Variants in ZYG11B observed in about 807,000 individuals in gnomAD.
ZYG11B encodes the protein zyg-11 family member B, cell cycle regulator.
In ZYG11B, 36 loss-of-function variants were observed where a neutral mutation model predicts 82.4. That is an observed-to-expected ratio of 0.44 (90% CI 0.33 to 0.58). The LOEUF is 0.58. Among genes scored for constraint, ZYG11B ranks in the 20% least tolerant of loss-of-function variants. The probability of loss-of-function intolerance (pLI) is 0.02; values close to 1 mark genes in which losing one functional copy is unlikely to be tolerated. For missense variants in ZYG11B, 552 were observed against 895.6 expected, an observed-to-expected ratio of 0.62 and a Z score of 4.90; for synonymous variants, 303 against 312.8, an observed-to-expected ratio of 0.97 and a Z score of 0.33.
At chr1:52,803,259 TATATATACACACACACACAC>T (rs1645108030) in intron 10 of ZYG11B, among the ~76,000 whole-genome samples, 10 of 81,690 alleles carry the variant, frequency 1.2e-4, no homozygotes, top group South Asian at 3.6e-4. Context: ...CATATATATA[TATATATACACACACACACAC>T]ATATATATAT....
chr1:52,778,273 C>A (rs1337784535), intron 3 of ZYG11B, among the ~76,000 whole-genome samples: 1 of 152,082 alleles, frequency 6.6e-6, no homozygotes. Context: ...GAGTTTCCCT[C>A]AGTCTGGATT....
Position 52,821,584 on chromosome 1 carries a change from G to C in ZYG11B, c.2190G>C (p.Gly730=), listed in dbSNP as rs1353630986. The C allele has an allele frequency of 6.2e-7, 1 of 1,613,914 alleles. No individual in the cohort carries two copies. The highest frequency in any genetic ancestry group is 1.7e-5 in the Admixed American group (1 of 59,958). The change falls in exon 14 of 14, where the codon GGG becomes GGC. Residue 730 remains glycine, a synonymous_variant. Coordinates refer to ENST00000294353, the MANE Select transcript of ZYG11B (RefSeq NM_024646.3). The stretch of plus-strand genomic sequence containing the variant: ...TAGAAAAACACATTGTGCGCCATGG[G>C]AGGCCACCTCCCTGTAAAAAACAGC... ...DSLEKHIVRH[G]RPPPCKKQPQ... is the part of the protein sequence containing the mutation.
chr1:52,819,061 G>A (rs963254012), intron 13 of ZYG11B, among the ~76,000 whole-genome samples: 1 of 152,176 alleles, frequency 6.6e-6, no homozygotes, highest in Non-Finnish European at 1.5e-5. Flanking sequence ...ACAGGCATGA[G>A]CCACCGCACC....
At chr1:52,790,652 C>T (rs1276886565) in intron 6 of ZYG11B, among the ~76,000 whole-genome samples, 6 of 128,482 alleles carry the variant, frequency 4.7e-5, no homozygotes, top group African/African-American at 1.8e-4. Context: ...ACGGAGGCGG[C>T]GGTTGCAGTG....
intron 1 of ZYG11B, among the ~76,000 whole-genome samples, chr1:52,727,703 C>A (rs1644297106): frequency 6.6e-6 from 1 of 152,130 alleles, no homozygotes; most frequent in South Asian, 2.1e-4. Flanking sequence ...ATTTGTTTTG[C>A]CCTGTCTGCC....
intron 1 of ZYG11B, among the ~76,000 whole-genome samples, chr1:52,729,428 A>G (rs1644311602): frequency 6.6e-6 from 1 of 152,190 alleles, no homozygotes; most frequent in African/African-American, 2.4e-5. Flanking sequence ...ACAGAGTAAC[A>G]GTGTATGTAT....
chr1:52,811,356 G>T (rs546673574), intron 10 of ZYG11B, among the ~76,000 whole-genome samples: 3 of 152,206 alleles, frequency 2.0e-5, no homozygotes, highest in Admixed American at 6.5e-5. Flanking sequence ...TATGACTTCA[G>T]TTATAAGCAT....
Position 52,803,171 on chromosome 1 carries a change from C to T in ZYG11B, c.1695+1032C>T, listed in dbSNP as rs1254344128. Among the ~76,000 whole-genome samples the T allele has an allele frequency of 9.2e-4, 49 of 53,380 alleles. 4 individuals are homozygous for T. The highest frequency in any genetic ancestry group is 7.0e-3 in the East Asian group (2 of 286). The allele number at this position is 53,380 out of a possible 152,430, so 35.0% of individuals were successfully genotyped here. A position where few individuals can be genotyped will look rare whatever the true frequency, so the allele number is the denominator to read the frequency against. On this transcript the variant is annotated intron_variant, in intron 10 of 13. Transcript: ENST00000294353. Reference sequence around the variant, plus strand: ...ATATATATACACATATATATATACACACATATATATATATATACACATATA... The same window carrying T: ...ATATATATACACATATATATATACATACATATATATATATATACACATATA...
intron 10 of ZYG11B, among the ~76,000 whole-genome samples, chr1:52,802,693 AAGAG>A (rs148334695): frequency 9.4e-4 from 142 of 150,370 alleles, no homozygotes; most frequent in South Asian, 6.1e-3. Flanking sequence ...CAAAAAAAGA[AAGAG>A]AGAGAGAGAG....
intron 3 of ZYG11B, among the ~76,000 whole-genome samples, chr1:52,774,237 TCG>T (rs1469803122): frequency 4.9e-4 from 74 of 151,732 alleles, no homozygotes; most frequent in Non-Finnish European, 7.8e-4. Flanking sequence ...CCTCCTGGGC[TCG>T]AGTGGATCCT....
chr1:52,788,728 T>C (rs147163558), intron 5 of ZYG11B, among the ~76,000 whole-genome samples: 2 of 152,212 alleles, frequency 1.3e-5, no homozygotes, highest in Non-Finnish European at 2.9e-5. Context: ...AGACCCTGTC[T>C]CAAAAACAAA....
chr1:52,780,362 A>G (rs1029836176), intron 4 of ZYG11B, among the ~76,000 whole-genome samples: 12 of 152,120 alleles, frequency 7.9e-5, no homozygotes, highest in South Asian at 4.1e-4. Flanking sequence ...TAGAAATACA[A>G]TATTGCACCA....
intron 5 of ZYG11B, among the ~76,000 whole-genome samples, chr1:52,789,436 A>T (rs1644937766): frequency 6.6e-6 from 1 of 152,188 alleles, no homozygotes; most frequent in Admixed American, 6.5e-5. Flanking sequence ...TTTGCTTCAC[A>T]GGAATAACTT....
chr1:52,740,736 T>C (rs1644417025), intron 1 of ZYG11B, among the ~76,000 whole-genome samples: 1 of 151,960 alleles, frequency 6.6e-6, no homozygotes, highest in Non-Finnish European at 1.5e-5. Context: ...GCTAATTTTT[T>C]GTATTTTTAG....
chr1:52,817,816 T>TA (rs1160186535), intron 13 of ZYG11B, among the ~76,000 whole-genome samples: 82 of 8,072 alleles, frequency 0.01, no homozygotes, highest in Middle Eastern at 0.25. Context: ...TATATATATA[T>TA]TTTTTTTTTT....
At chr1:52,737,069 C>A (rs188721376) in intron 1 of ZYG11B, among the ~76,000 whole-genome samples, 1 of 146,180 alleles carries the variant, frequency 6.8e-6, no homozygotes, top group Non-Finnish European at 1.5e-5. Context: ...GCCTGGAATG[C>A]TGGGGTTTCA....
intron 1 of ZYG11B, among the ~76,000 whole-genome samples, chr1:52,752,929 C>T (rs1456494195): frequency 1.3e-5 from 2 of 151,684 alleles, no homozygotes; most frequent in Non-Finnish European, 2.9e-5. Flanking sequence ...CTCACTGCAA[C>T]CTCTGCCTCC....
At position 52,813,517 on chromosome 1, in the gene ZYG11B, TTTTC is replaced by T; in HGVS notation, c.1696-15_1696-12del. The T allele has an allele frequency of 6.4e-7, 1 of 1,565,460 alleles. No individual in the cohort carries two copies. The highest frequency in any genetic ancestry group is 1.2e-5 in the South Asian group (1 of 85,404). ...TATACATATTACATTAATTTTTATATTTTCTTTTTTTTTTCCAGAACAATATAGC... is the reference window on the plus strand; with the variant it reads ...TATACATATTACATTAATTTTTATATTTTTTTTTTTCCAGAACAATATAGC... On this transcript the variant is annotated splice_polypyrimidine_tract_variant and intron_variant, in intron 10 of 13. Coordinates refer to ENST00000294353, the MANE Select transcript of ZYG11B (RefSeq NM_024646.3).
chr1:52,817,549 C>CT (rs955363978), intron 13 of ZYG11B, among the ~76,000 whole-genome samples: 13 of 149,860 alleles, frequency 8.7e-5, no homozygotes, highest in African/African-American at 2.4e-4. Context: ...CCATACCTGG[C>CT]TTTTTTTTGT....
Sources: gnomAD v4.1 joint callset for allele counts (sites outside exome capture counted in the v4.1 genomes callset) on GRCh38, gnomAD v4.1.1 for gene constraint, MANE v1.5 for transcripts, NCBI Gene and HGNC (gene_info 2026-07-23, HGNC 2026-07-21) for gene names.